Variants in AMPH observed in about 807,000 individuals in gnomAD.
AMPH encodes the protein amphiphysin (Stiff-Mann syndrome with breast cancer 128kD autoantigen).
A neutral mutation model predicts 99.1 loss-of-function variants in AMPH; 49 were observed. The ratio of observed to expected loss-of-function variants is 0.49; its 90% confidence interval spans 0.39 to 0.63. AMPH has a LOEUF of 0.63. AMPH is among the 20% of genes least tolerant of loss of function. The probability of loss-of-function intolerance (pLI) is 0.00; values close to 1 mark genes in which losing one functional copy is unlikely to be tolerated. For synonymous variants in AMPH, 314 were observed against 317.3 expected, an observed-to-expected ratio of 0.99 and a Z score of 0.11; for missense variants, 759 against 863.4, an observed-to-expected ratio of 0.88 and a Z score of 1.52.
At chr7:38,458,450 A>G (rs1267426172) in intron 11 of AMPH, among the ~76,000 whole-genome samples, 1 of 152,222 alleles carries the variant, frequency 6.6e-6, no homozygotes, top group African/African-American at 2.4e-5. Flanking sequence ...ACATAAATGC[A>G]AAAATCCTTA....
intron 2 of AMPH, among the ~76,000 whole-genome samples, chr7:38,525,810 T>C (rs1042666025): frequency 6.6e-6 from 1 of 152,178 alleles, no homozygotes; most frequent in African/African-American, 2.4e-5. Flanking sequence ...TAGTATTCCA[T>C]AGTATGGATA....
chr7:38,407,704 A>G (rs902623008), intron 17 of AMPH, among the ~76,000 whole-genome samples: 1 of 152,214 alleles, frequency 6.6e-6, no homozygotes, highest in Admixed American at 6.5e-5. Flanking sequence ...AAAGACATAT[A>G]TATTTTAAAT....
chr7:38,445,858 T>C (rs1288131769), intron 11 of AMPH, among the ~76,000 whole-genome samples: 1 of 152,174 alleles, frequency 6.6e-6, no homozygotes, highest in Non-Finnish European at 1.5e-5. Context: ...TTTTCATGAA[T>C]GGTTTAGCAC....
At chr7:38,526,627 A>C (rs545037469) in intron 2 of AMPH, among the ~76,000 whole-genome samples, 1 of 151,556 alleles carries the variant, frequency 6.6e-6, no homozygotes, top group Non-Finnish European at 1.5e-5. Context: ...ACTTATTTTT[A>C]CTACGGAGTT....
At chr7:38,418,465 A>G (rs146415706) in intron 16 of AMPH, among the ~76,000 whole-genome samples, 1 of 152,310 alleles carries the variant, frequency 6.6e-6, no homozygotes, top group East Asian at 1.9e-4. Context: ...ATGAATATGC[A>G]TTGCACCAAA....
intron 16 of AMPH, among the ~76,000 whole-genome samples, chr7:38,419,621 G>T (rs367911615): frequency 2.0e-5 from 3 of 152,312 alleles, no homozygotes; most frequent in East Asian, 1.9e-4. Context: ...AATAGATACT[G>T]TAAGTGCTCA....
chr7:38,394,780 T>G (rs529765166), intron 17 of AMPH, among the ~76,000 whole-genome samples: 1 of 152,334 alleles, frequency 6.6e-6, no homozygotes, highest in East Asian at 1.9e-4. Flanking sequence ...CCCCACTCCC[T>G]CTTTTCACAT....
At chr7:38,479,357 G>A (rs1329283426) in intron 5 of AMPH, among the ~76,000 whole-genome samples, 1 of 151,972 alleles carries the variant, frequency 6.6e-6, no homozygotes, top group East Asian at 1.9e-4. Flanking sequence ...ATTTACAAAA[G>A]TGAAGATGAA....
intron 1 of AMPH, among the ~76,000 whole-genome samples, chr7:38,597,145 A>G (rs1487400730): frequency 6.6e-6 from 1 of 152,210 alleles, no homozygotes; most frequent in Admixed American, 6.5e-5. Context: ...GTAAACTAAA[A>G]GGGCAGGGAA....
At chr7:38,435,082 C>T (rs759611841) in intron 12 of AMPH, among the ~76,000 whole-genome samples, 1 of 152,176 alleles carries the variant, frequency 6.6e-6, no homozygotes, top group African/African-American at 2.4e-5. Context: ...TTCTAATGCA[C>T]ATCATGAATC....
At chr7:38,410,524 C>G (rs1785183443) in intron 17 of AMPH, among the ~76,000 whole-genome samples, 1 of 152,172 alleles carries the variant, frequency 6.6e-6, no homozygotes, top group Non-Finnish European at 1.5e-5. Flanking sequence ...TCCCGATGGC[C>G]TAGCAAACAG....
chr7:38,524,306 A>G (rs970492354), intron 2 of AMPH, among the ~76,000 whole-genome samples: 3 of 152,206 alleles, frequency 2.0e-5, no homozygotes, highest in Non-Finnish European at 4.4e-5. Flanking sequence ...GTTTAAAGAA[A>G]CTAATGAAAC....
intron 2 of AMPH, among the ~76,000 whole-genome samples, chr7:38,510,825 C>A (rs966293935): frequency 1.3e-5 from 2 of 152,148 alleles, no homozygotes; most frequent in Non-Finnish European, 2.9e-5. Context: ...CCAAAGGCAC[C>A]ATTCTCCATG....
chr7:38,463,064 G>T lies in AMPH; in HGVS notation c.799C>A (p.Pro267Thr). 1.2e-6 allele frequency: 2 copies of T among 1,612,490 alleles called. No homozygotes were observed. Among genetic ancestry groups the T allele is most frequent in the Non-Finnish European group, 1.7e-6 (2 of 1,179,206 alleles). Residue 267 changes from proline to threonine, a missense_variant, in exon 10 of 21, where the codon CCT becomes ACT. By Grantham distance (38) the Pro-to-Thr change is conservative. Around this residue, in one of 2 missense-constraint regions of AMPH, gnomAD observed 554 missense variants for 575.6 expected, o/e 0.96. Transcript: ENST00000356264. ...IAKTPSPPEE[P>T]SPLPSPTASP... ...GCTGTCGGGCTCGGGAGGGGTGAAG[G>T]CTCCTCAGGCGGTGATGGTGTCTTT...
chr7:38,467,910 A>G lies in AMPH; in HGVS notation c.591-1662T>C, dbSNP rs567712892. ...GCAGAAAGAAGTGTCCAATTTAAAT[A>G]GAAGGTGGGTACAGATGGAAGAGGT... On this transcript the variant is annotated intron_variant, in intron 7 of 20. Transcript: ENST00000356264. 1.1e-4 allele frequency among the ~76,000 whole-genome samples: 17 copies of G among 152,300 alleles called. No individual in the cohort carries two copies. In the South Asian group the frequency reaches 3.5e-3, roughly 32 times the overall value.
intron 1 of AMPH, among the ~76,000 whole-genome samples, chr7:38,610,560 C>CT (rs1423204907): frequency 6.6e-6 from 1 of 151,696 alleles, no homozygotes; most frequent in Non-Finnish European, 1.5e-5. Flanking sequence ...GTTTTGAGAA[C>CT]TTACTATATT....
At chr7:38,568,686 T>C (rs749498286) in intron 1 of AMPH, among the ~76,000 whole-genome samples, 3 of 152,170 alleles carry the variant, frequency 2.0e-5, no homozygotes, top group Non-Finnish European at 4.4e-5. Flanking sequence ...GTCACAGGCA[T>C]AAGGGGCAGG....
intron 7 of AMPH, among the ~76,000 whole-genome samples, chr7:38,466,567 T>A (rs1253823417): frequency 2.0e-5 from 3 of 151,822 alleles, no homozygotes; most frequent in African/African-American, 4.8e-5. Flanking sequence ...ACATGAAGAC[T>A]GAGAATTTGT....
intron 16 of AMPH, among the ~76,000 whole-genome samples, chr7:38,419,255 G>A (rs1468332232): frequency 6.6e-6 from 1 of 151,972 alleles, no homozygotes; most frequent in African/African-American, 2.4e-5. Flanking sequence ...GAGAAGTGCT[G>A]GAAAAGTTAT....
Sources: allele counts gnomAD v4.1 joint callset (sites outside exome capture counted in the v4.1 genomes callset), GRCh38; gene constraint gnomAD v4.1.1; regional missense constraint gnomAD v4.1.1; transcripts MANE v1.5; gene names NCBI Gene and HGNC (gene_info 2026-07-23, HGNC 2026-07-21).